TCP11L2: variants seen among roughly 807,000 people sequenced by gnomAD.
The protein encoded by TCP11L2 is t-complex 11 like 2, also known as T-complex protein 11-like protein 2.
Under a neutral mutation model 50.7 loss-of-function variants are expected in TCP11L2, and 39 were observed. The observed-to-expected ratio is 0.77, with a 90% CI of 0.60 to 1.01. The LOEUF (loss-of-function observed/expected upper bound fraction) is 1.01. TCP11L2 is among the 50% of genes least tolerant of loss of function. TCP11L2 has a pLI of 0.00. For missense variants in TCP11L2, 612 were observed against 614.7 expected (o/e 1.00, Z 0.05); for synonymous variants, 192 against 219.3 (o/e 0.88, Z 1.10).
At chr12:106,332,821 T>C (rs2035792060) in intron 6 of TCP11L2, among the ~76,000 whole-genome samples, 1 of 152,164 alleles carries the variant, frequency 6.6e-6, no homozygotes, top group Non-Finnish European at 1.5e-5. Context: ...AGTCTCCATC[T>C]CCAAATGTCA....
At chr12:106,335,014 G>A (rs2035868003) in intron 6 of TCP11L2, among the ~76,000 whole-genome samples, 1 of 151,996 alleles carries the variant, frequency 6.6e-6, no homozygotes, top group Admixed American at 6.6e-5. Flanking sequence ...GTAACCTGGG[G>A]ACTGTCAATC....
intron 2 of TCP11L2, among the ~76,000 whole-genome samples, chr12:106,313,533 T>C (rs1300002517): frequency 1.3e-5 from 2 of 151,106 alleles, no homozygotes; most frequent in Admixed American, 6.6e-5. Flanking sequence ...TGAGCTGAGA[T>C]TGCACCACTG....
intron 3 of TCP11L2, 75 bp from the exon 4 acceptor site, chr12:106,318,269 A>G: frequency 6.6e-7 from 1 of 1,506,006 alleles, no homozygotes; most frequent in South Asian, 1.2e-5. Context: ...TAAGATTTCT[A>G]CAATGAGGAT....
intron 6 of TCP11L2, among the ~76,000 whole-genome samples, chr12:106,331,306 C>G (rs2035738781): frequency 6.6e-6 from 1 of 150,542 alleles, no homozygotes. Flanking sequence ...AGCTAGCACG[C>G]TAACTGGTAT....
intron 6 of TCP11L2, among the ~76,000 whole-genome samples, chr12:106,331,201 A>G (rs1482796402): frequency 6.6e-6 from 1 of 152,174 alleles, no homozygotes; most frequent in Non-Finnish European, 1.5e-5. Flanking sequence ...ATACTGCATA[A>G]ACTAGATTTT....
intron 6 of TCP11L2, among the ~76,000 whole-genome samples, chr12:106,331,545 A>G (rs762223277): frequency 2.0e-5 from 3 of 152,210 alleles, no homozygotes; most frequent in African/African-American, 4.8e-5. Context: ...TACAGTTGCT[A>G]ACACTTAGGG....
rs981792967 is a variant in TCP11L2 at position 106,318,339 on chromosome 12, C to A, written c.294-5C>A. On this transcript the variant is annotated splice_region_variant and splice_polypyrimidine_tract_variant and intron_variant, in intron 3 of 9. Transcript: ENST00000299045. ...TTTAAAAAACAATTCATTTTATTGC[C>A]ATAGTTTGGCTGGTCGAGTGAAGCA... 4 of 1,609,644 alleles carry A rather than the reference C, an allele frequency of 2.5e-6. No homozygotes were observed. Among genetic ancestry groups the A allele is most frequent in the South Asian group, 1.1e-5 (1 of 90,386 alleles).
At chr12:106,300,615 C>T (rs565117783), upstream of TCP11L2, among the ~76,000 whole-genome samples, 64 of 152,362 alleles carry the variant, frequency 4.2e-4, 2 homozygotes, top group South Asian at 0.013. Flanking sequence ...CAGGCATGAG[C>T]CACCGTGCCT....
chr12:106,314,564 TGTGTGTGTGTGTGAGAGAGA>T (rs1244537857), intron 3 of TCP11L2, 71 bp downstream of exon 3: 39 of 977,656 alleles, frequency 4.0e-5, no homozygotes, highest in Middle Eastern at 5.1e-4. Flanking sequence ...TGTGTGTGTG[TGTGTGTGTGTGTGAGAGAGA>T]GAGAGAGAGA....
chr12:106,321,542 A>G lies in TCP11L2; in HGVS notation c.471A>G (p.Glu157=), dbSNP rs1592950577. 3 of 1,614,184 alleles carry G rather than the reference A, an allele frequency of 1.9e-6. No individual in the cohort carries two copies. Among genetic ancestry groups the G allele is most frequent in the Non-Finnish European group, 2.5e-6 (3 of 1,180,042 alleles). Residue 157 remains glutamate (E), a synonymous_variant, in exon 5 of 10, where the codon GAA becomes GAG. Transcript: ENST00000299045. The part of the protein sequence containing the change: ...GGNRLRNQIC[E]VLDTDLIRQQ... ...ACCGGCTTCGCAACCAAATCTGTGAAGTTTTGGACACAGACCTCATTAGGC... is the reference window on the plus strand; with the variant it reads ...ACCGGCTTCGCAACCAAATCTGTGAGGTTTTGGACACAGACCTCATTAGGC...
intron 5 of TCP11L2, among the ~76,000 whole-genome samples, 163 bp downstream of exon 5, chr12:106,321,869 CAG>C (rs1458362368): frequency 1.3e-5 from 2 of 152,138 alleles, no homozygotes; most frequent in Non-Finnish European, 2.9e-5. Context: ...TTACTGTATG[CAG>C]AGAGTTTTCA....
intron 9 of TCP11L2, among the ~76,000 whole-genome samples, chr12:106,341,478 G>A (rs2036093347): frequency 1.3e-5 from 2 of 152,210 alleles, no homozygotes; most frequent in East Asian, 1.9e-4. Context: ...AGCTGTGTTG[G>A]TGAGTTGGGA....
upstream of TCP11L2, among the ~76,000 whole-genome samples, chr12:106,301,327 G>C (rs1193866107): frequency 2.6e-5 from 4 of 152,182 alleles, no homozygotes; most frequent in African/African-American, 9.7e-5. Flanking sequence ...ACAGTGGTTT[G>C]CCAAAGAATT....
rs199813367 is a variant in TCP11L2 at position 106,346,544 on chromosome 12, T to A, written c.*14T>A. 1.7e-5 allele frequency: 27 copies of A among 1,604,452 alleles called. No individual in the cohort carries two copies. Among genetic ancestry groups the A allele is most frequent in the African/African-American group, 2.7e-5 (2 of 74,560 alleles). ...CCTACTAACTAAAGAAGAACTGACATTGGACGAGAGATTGGAAATCCAGTA... is the reference window on the plus strand; with the variant it reads ...CCTACTAACTAAAGAAGAACTGACAATGGACGAGAGATTGGAAATCCAGTA... On this transcript the variant is annotated 3_prime_UTR_variant, in exon 10 of 10. Transcript: ENST00000299045.
chr12:106,329,535 C>T (rs1459755609), intron 6 of TCP11L2: 3 of 1,450,458 alleles, frequency 2.1e-6, no homozygotes, highest in East Asian at 5.0e-5. Context: ...CGTTTAAACA[C>T]AGAGGCCTGA....
intron 5 of TCP11L2, among the ~76,000 whole-genome samples, chr12:106,322,094 G>A (rs1326025738): frequency 6.6e-6 from 1 of 152,168 alleles, no homozygotes; most frequent in East Asian, 1.9e-4. Context: ...TTCTTTATTA[G>A]TTAGGGTCAC....
At position 106,346,632 on chromosome 12, in the gene TCP11L2, G is replaced by T; in HGVS notation, c.*102G>T. ...GATCCAGCACATTCTCAGTACTGTG[G>T]TGCAGTATTAGCCCAAATCTGTGTA... is the stretch of plus-strand genomic sequence containing the variant. On this transcript the variant is annotated 3_prime_UTR_variant, in exon 10 of 10. Coordinates refer to ENST00000299045, the MANE Select transcript of TCP11L2 (RefSeq NM_152772.3). 6.9e-7 allele frequency: 1 copy of T among 1,450,996 alleles called. No homozygotes were observed. Among genetic ancestry groups the T allele is most frequent in the Middle Eastern group, 1.9e-4 (1 of 5,218 alleles). The allele number at this position is 1,450,996 out of a possible 1,614,324, so 89.9% of individuals were successfully genotyped here.
At chr12:106,309,343 C>T (rs1480160333) in intron 1 of TCP11L2, among the ~76,000 whole-genome samples, 1 of 152,146 alleles carries the variant, frequency 6.6e-6, no homozygotes, top group African/African-American at 2.4e-5. Flanking sequence ...AGCCAGTGTT[C>T]ATGGCTTTGG....
chr12:106,314,940 G>A (rs2035019903), intron 3 of TCP11L2, among the ~76,000 whole-genome samples: 1 of 151,328 alleles, frequency 6.6e-6, no homozygotes, highest in Non-Finnish European at 1.5e-5. Flanking sequence ...AGGAGTTCAG[G>A]GACTGCAGTG....
Sources: gnomAD v4.1 joint callset for allele counts (sites outside exome capture counted in the v4.1 genomes callset) on GRCh38, gnomAD v4.1.1 for gene constraint, MANE v1.5 for transcripts, NCBI Gene and HGNC (gene_info 2026-07-23, HGNC 2026-07-21) for gene names.